The following PPM1A variants were observed in gnomAD, a reference collection of about 807,000 sequenced individuals.
The protein encoded by PPM1A is protein phosphatase, Mg2+/Mn2+ dependent 1A.
A neutral mutation model predicts 35.0 loss-of-function variants in PPM1A; 7 were observed. The observed-to-expected ratio is 0.20, with a 90% CI of 0.11 to 0.38. The LOEUF (loss-of-function observed/expected upper bound fraction) is 0.38, where lower values mean the gene tolerates loss of function less well. Among genes scored for constraint, PPM1A ranks in the 10% least tolerant of loss-of-function variants. The pLI is 1.00. For synonymous variants in PPM1A, 153 were observed against 167.3 expected, an observed-to-expected ratio of 0.91 and a Z score of 0.66; for missense variants, 239 against 467.8, an observed-to-expected ratio of 0.51 and a Z score of 4.51.
upstream of PPM1A, chr14:60,245,940 A>T: frequency 1.3e-6 from 2 of 1,579,568 alleles, no homozygotes; most frequent in Non-Finnish European, 1.7e-6. The surrounding 1 kb of genome is among the most constrained non-coding windows in gnomAD (Gnocchi z 4.2). Context: ...AGAGAAGGGC[A>T]AAGAAGGCAA....
In PPM1A at chr14:60,297,425, TTAA is replaced by T. The variant is rs1235096515; in HGVS notation, c.*4947_*4949del. The stretch of plus-strand genomic sequence containing the variant: ...TAATTTGATTTTTCCAGCAAGGAAA[TTAA>T]TAAGTTACTGATTCTTCAGCATAGA... On this transcript the variant is annotated 3_prime_UTR_variant, in exon 6 of 6. Transcript: ENST00000395076. 2 of 151,696 alleles carry T rather than the reference TTAA, an allele frequency of 1.3e-5. No homozygotes were observed. Among genetic ancestry groups the T allele is most frequent in the Non-Finnish European group, 3.0e-5 (2 of 67,686 alleles). The allele number at this position is 151,696 out of a possible 1,614,324, so 9.4% of individuals were successfully genotyped here. A position where few individuals can be genotyped will look rare whatever the true frequency, so the allele number is the denominator to read the frequency against.
chr14:60,257,075 G>A (rs1300169715), intron 1 of PPM1A, among the ~76,000 whole-genome samples: 1 of 152,070 alleles, frequency 6.6e-6, no homozygotes, highest in Non-Finnish European at 1.5e-5. Flanking sequence ...TATTAAAAAA[G>A]CATAAGATAT....
In PPM1A at chr14:60,286,176, T is replaced by G. The variant is rs1442093141; in HGVS notation, c.952+435T>G. 3.0e-6 allele frequency: 3 copies of G among 985,760 alleles called. No homozygotes were observed. In the African/African-American group the frequency reaches 5.2e-5, roughly 17 times the overall value. The allele number at this position is 985,760 out of a possible 1,614,324, so 61.1% of individuals were successfully genotyped here. On this transcript the variant is annotated intron_variant, in intron 3 of 5. Coordinates refer to ENST00000395076, the MANE Select transcript of PPM1A (RefSeq NM_021003.5). ...TCTCTAGGGCCTTTTTTCAATAACT[T>G]GAAAATCACAGCCTCATCATTAGCA...
At chr14:60,265,080 AG>A (rs1884214827) in intron 1 of PPM1A, among the ~76,000 whole-genome samples, 1 of 152,082 alleles carries the variant, frequency 6.6e-6, no homozygotes, top group South Asian at 2.1e-4. Flanking sequence ...CTTCTTATCC[AG>A]TGTTTTTACA....
At position 60,249,793 on chromosome 14, in the gene PPM1A, G is replaced by C; in HGVS notation, c.-21+116G>C. On this transcript the variant is annotated intron_variant, in intron 1 of 5. Transcript: ENST00000395076. The surrounding 1 kb of genome is among the most constrained non-coding windows in gnomAD (Gnocchi z 4.5). ...GCCGGGCGTCTGCCCGGGCGCTCCC[G>C]GGAGGAGACGCGACAACTCCACCCC... 3.3e-6 allele frequency: 2 copies of C among 600,290 alleles called. No individual in the cohort carries two copies. Among genetic ancestry groups the C allele is most frequent in the Non-Finnish European group, 4.2e-6 (2 of 478,138 alleles). 37.2% of individuals were successfully genotyped at this position (600,290 alleles called of 1,614,324 possible). A position where few individuals can be genotyped will look rare whatever the true frequency, so the allele number is the denominator to read the frequency against.
intron 1 of PPM1A, among the ~76,000 whole-genome samples, chr14:60,252,658 C>T (rs1005470826): frequency 2.0e-5 from 3 of 152,114 alleles, no homozygotes; most frequent in Non-Finnish European, 4.4e-5. Context: ...TGTTATTTTG[C>T]TATTAGCCAA....
chr14:60,256,000 A>G (rs1883091152), intron 1 of PPM1A, among the ~76,000 whole-genome samples: 1 of 152,262 alleles, frequency 6.6e-6, no homozygotes, highest in South Asian at 2.1e-4. Flanking sequence ...GTGTTAAAGA[A>G]GAGAGATAAC....
chr14:60,255,206 C>G (rs1882955927), intron 1 of PPM1A, among the ~76,000 whole-genome samples: 1 of 139,050 alleles, frequency 7.2e-6, no homozygotes, highest in Non-Finnish European at 1.5e-5. Flanking sequence ...GAGTCTCGCT[C>G]TGTCGCCCAG....
At chr14:60,251,206 T>TG (rs1192732718) in intron 1 of PPM1A, among the ~76,000 whole-genome samples, 7 of 152,276 alleles carry the variant, frequency 4.6e-5, no homozygotes, top group Non-Finnish European at 8.8e-5. Flanking sequence ...ATGAACTTCC[T>TG]GCACATGGCA....
chr14:60,284,202 A>T (rs1886697129), intron 2 of PPM1A, among the ~76,000 whole-genome samples: 1 of 152,224 alleles, frequency 6.6e-6, no homozygotes, highest in African/African-American at 2.4e-5. Flanking sequence ...TATTTTACAG[A>T]TGAGGAAGCT....
chr14:60,294,570 T>C lies in PPM1A; in HGVS notation c.*2088T>C, dbSNP rs1317019601. 6.6e-6 allele frequency: 1 copy of C among 151,862 alleles called. No homozygotes were observed. Among genetic ancestry groups the C allele is most frequent in the African/African-American group, 2.4e-5 (1 of 41,412 alleles). 9.4% of individuals were successfully genotyped at this position (151,862 alleles called of 1,614,324 possible). A position where few individuals can be genotyped will look rare whatever the true frequency, so the allele number is the denominator to read the frequency against. On this transcript the variant is annotated 3_prime_UTR_variant, in exon 6 of 6. Coordinates refer to ENST00000395076, the MANE Select transcript of PPM1A (RefSeq NM_021003.5). ...CTATTATAACAAACCAGTTCCTTAA[T>C]ATTTTAAGTAGACTGACAACTTTAG...
chr14:60,287,724 T>G (rs1163553723), intron 3 of PPM1A: 1 of 985,108 alleles, frequency 1.0e-6, no homozygotes, highest in Non-Finnish European at 1.2e-6. Context: ...TCTAAATACT[T>G]GACTCTCTGG....
chr14:60,261,046 ATACCACT>A lies in PPM1A; in HGVS notation c.-21+11372_-21+11378del, dbSNP rs145767903. On this transcript the variant is annotated intron_variant, in intron 1 of 5. Transcript: ENST00000395076. ...TCAGCAGCCTCTCAACTTCCCGAAA[ATACCACT>A]TAAGTCTTAAACTCAGACTTGCATG... is the stretch of plus-strand genomic sequence containing the variant. Among the ~76,000 whole-genome samples, 1,247 of 152,236 alleles carry A rather than the reference ATACCACT, an allele frequency of 8.2e-3. 18 individuals are homozygous for A. The highest frequency in any genetic ancestry group is 0.031 in the East Asian group (158 of 5,180).
Position 60,256,713 on chromosome 14 carries a change from A to AGG in PPM1A, c.-21+7036_-21+7037insGG, listed in dbSNP as rs1425380512. On this transcript the variant is annotated intron_variant, in intron 1 of 5. Transcript: ENST00000395076. The stretch of plus-strand genomic sequence containing the variant: ...TTCATAGCAGCCCTATGAGCTAGAT[A>AGG]CTGTTACTACCTATATCTTAACAGA... 148 of 152,376 alleles carry AGG rather than the reference A, an allele frequency of 9.7e-4. 1 individual carries two copies. Among genetic ancestry groups the AGG allele is most frequent in the African/African-American group, 2.7e-3 (112 of 41,594 alleles). 9.4% of individuals were successfully genotyped at this position (152,376 alleles called of 1,614,324 possible).
chr14:60,263,378 T>A (rs1883995083), intron 1 of PPM1A, among the ~76,000 whole-genome samples: 1 of 152,236 alleles, frequency 6.6e-6, no homozygotes, highest in African/African-American at 2.4e-5. Context: ...GAAGTGAACA[T>A]ACTTTTATGT....
At chr14:60,254,708 C>A (rs897005976) in intron 1 of PPM1A, among the ~76,000 whole-genome samples, 1 of 152,178 alleles carries the variant, frequency 6.6e-6, no homozygotes, top group East Asian at 1.9e-4. Flanking sequence ...AAGATATTAG[C>A]ATTCCAACTG....
chr14:60,280,125 C>G (rs1442710836), intron 1 of PPM1A, among the ~76,000 whole-genome samples: 1 of 152,180 alleles, frequency 6.6e-6, no homozygotes, highest in Admixed American at 6.5e-5. Context: ...TCTGCCTCAG[C>G]CTCCCAAGTA....
upstream of PPM1A, among the ~76,000 whole-genome samples, chr14:60,247,617 G>T (rs537047761): frequency 2.7e-5 from 3 of 110,340 alleles, no homozygotes; most frequent in South Asian, 3.2e-4. Context: ...GAAAGAGCGA[G>T]ACTCTGTCTC....
At position 60,266,076 on chromosome 14, in the gene PPM1A, A is replaced by C. The variant is rs566342848; in HGVS notation, c.-21+16399A>C. On this transcript the variant is annotated intron_variant, in intron 1 of 5. Transcript: ENST00000395076. ...TTCCTTTGCCAATATTGGGTGTAAT[A>C]ATTTTTTAATCTTTGAGAAGGTAAT... Among the ~76,000 whole-genome samples the C allele has an allele frequency of 1.6e-4, 25 of 152,304 alleles. 1 individual carries two copies. The South Asian group carries it at 5.0e-3, about 30-fold the overall frequency.
Sources: gnomAD v4.1 joint callset for allele counts (sites outside exome capture counted in the v4.1 genomes callset) on GRCh38, gnomAD v4.1.1 for gene constraint, Gnocchi (gnomAD v3.1) non-coding constraint, MANE v1.5 for transcripts, NCBI Gene and HGNC (gene_info 2026-07-23, HGNC 2026-07-21) for gene names.